The following DGKD variants were observed in gnomAD, a reference collection of about 807,000 sequenced individuals.
DGKD encodes the protein diacylglycerol kinase delta.
DGKD carries 68 observed loss-of-function variants against 154.4 expected under a neutral mutation model. That is an observed-to-expected ratio of 0.44 (90% CI 0.36 to 0.54). The LOEUF (loss-of-function observed/expected upper bound fraction) is 0.54, where lower values mean the gene tolerates loss of function less well. Ranked by LOEUF, DGKD falls within the 20% of genes least tolerant of loss-of-function variation. The pLI is 0.00. For synonymous variants in DGKD, 693 were observed against 638.0 expected, an observed-to-expected ratio of 1.09 and a Z score of -1.30; for missense variants, 1,343 against 1,593.6, an observed-to-expected ratio of 0.84 and a Z score of 2.68.
chr2:233,427,736 C>T (rs2062360746), intron 3 of DGKD, among the ~76,000 whole-genome samples: 1 of 152,172 alleles, frequency 6.6e-6, no homozygotes, highest in African/African-American at 2.4e-5. Flanking sequence ...AAATATGAGC[C>T]ATCTTTTAGT....
At chr2:233,396,918 C>T (rs1229930047) in intron 3 of DGKD, among the ~76,000 whole-genome samples, 1 of 131,552 alleles carries the variant, frequency 7.6e-6, no homozygotes, top group African/African-American at 2.9e-5. Context: ...CAGAGGGGAC[C>T]AGCGTGGCTG....
intron 26 of DGKD, among the ~76,000 whole-genome samples, chr2:233,463,444 C>T (rs544186580): frequency 7.6e-6 from 1 of 132,234 alleles, no homozygotes; most frequent in Non-Finnish European, 1.6e-5. Context: ...TCACTCCACG[C>T]ATCTCCTCAC....
chr2:233,432,340 A>G (rs2062549479), intron 3 of DGKD, among the ~76,000 whole-genome samples: 1 of 122,018 alleles, frequency 8.2e-6, no homozygotes, highest in Non-Finnish European at 1.8e-5. Context: ...CCTGGCTAAC[A>G]TGGTGAAACC....
intron 12 of DGKD, chr2:233,447,445 A>C (rs1421818116): frequency 2.0e-6 from 2 of 981,936 alleles, no homozygotes; most frequent in Non-Finnish European, 2.4e-6. Flanking sequence ...CAAGGCCTGC[A>C]GGCCAGATGT....
Position 233,451,975 on chromosome 2 carries a change from G to A in DGKD, c.2179G>A (p.Gly727Arg), listed in dbSNP as rs780085243. The A allele has an allele frequency of 1.2e-6, 2 of 1,613,932 alleles. No homozygotes were observed. Among genetic ancestry groups the A allele is most frequent in the Non-Finnish European group, 1.7e-6 (2 of 1,179,884 alleles). The change falls in exon 18 of 30, where the codon GGA becomes AGA. Residue 727 changes from glycine (G) to arginine (R), a missense_variant. Gly to Arg is a moderately radical substitution (Grantham distance 125). This residue lies in a region of DGKD where 409 missense variants were observed against 446.0 expected (regional missense o/e 0.92). Coordinates refer to ENST00000264057, the MANE Select transcript of DGKD (RefSeq NM_152879.3). The stretch of plus-strand genomic sequence containing the variant: ...TATCTCCTTTACAGATGTCCGGGCT[G>A]GAATGTCTGGTTCCTTACCCGGTGG... Reference protein sequence around the residue: ...TKILYPNVRAGMSGSLPGGSV... With the variant: ...TKILYPNVRARMSGSLPGGSV...
chr2:233,426,631 G>A (rs1360215317), intron 3 of DGKD, among the ~76,000 whole-genome samples: 1 of 152,156 alleles, frequency 6.6e-6, no homozygotes, highest in Non-Finnish European at 1.5e-5. Context: ...ATTATTGCTT[G>A]TCTCCCAATG....
intron 1 of DGKD, 64 bp from the exon 2 acceptor site, chr2:233,388,193 C>T: frequency 6.3e-7 from 1 of 1,578,074 alleles, no homozygotes; most frequent in African/African-American, 1.4e-5. Context: ...GGCTGCGTTT[C>T]AGCCGGAAGA....
chr2:233,437,442 C>G lies in DGKD; in HGVS notation c.885C>G (p.Val295=), dbSNP rs2125597985. ...CACTTGGCCTGTGCAAAGTGTCAGT[C>G]ATCCCACCCACGGCTCTCAACAGCA... is the stretch of plus-strand genomic sequence containing the variant. The part of the protein sequence containing the change: ...KCPLGLCKVS[V]IPPTALNSID... Residue 295 remains valine (V), a synonymous_variant, in exon 8 of 30, where the codon GTC becomes GTG. Coordinates refer to ENST00000264057, the MANE Select transcript of DGKD (RefSeq NM_152879.3). The G allele has an allele frequency of 6.2e-7, 1 of 1,614,230 alleles. No individual in the cohort carries two copies. The highest frequency in any genetic ancestry group is 8.5e-7 in the Non-Finnish European group (1 of 1,180,030).
rs779016452 is a variant in DGKD, at chr2:233,445,654, G to A, written c.1226G>A (p.Gly409Glu). Residue 409 changes from glycine to glutamate, a missense_variant, in exon 11 of 30, where the codon GGG becomes GAG. Physicochemically the swap from Gly to Glu is moderately conservative, Grantham distance 98. Transcript: ENST00000264057. The surrounding 1 kb of genome is among the most constrained non-coding windows in gnomAD (Gnocchi z 5.5). ...CTGGGAGTGCTGCCGCTCGGCACAG[G>A]GAACGACTTGGCCCGAGTACTGGGC... ...CQLGVLPLGT[G>E]NDLARVLGWG... The A allele has an allele frequency of 6.2e-7, 1 of 1,612,980 alleles. No homozygotes were observed. The highest frequency in any genetic ancestry group is 1.1e-5 in the South Asian group (1 of 90,820).
At chr2:233,384,318 C>T (rs6739757) in intron 1 of DGKD, among the ~76,000 whole-genome samples, 31,856 of 152,034 alleles carry the variant, frequency 0.21, 3,722 homozygotes, top group African/African-American at 0.32. Flanking sequence ...TGCTCTCCTC[C>T]GCTTCTGCCC....
rs1449962085 is a variant in DGKD, at chr2:233,354,540, C to G, written c.22C>G (p.Pro8Ala). The G allele has an allele frequency of 3.0e-6, 3 of 1,001,542 alleles. No individual in the cohort carries two copies. The African/African-American group carries it at 5.3e-5, about 18-fold the overall frequency. The allele number at this position is 1,001,542 out of a possible 1,614,324, so 62.0% of individuals were successfully genotyped here. Residue 8 changes from proline to alanine, a missense_variant, in exon 1 of 30, where the codon CCT (proline) becomes GCT (alanine). This residue lies in a region of DGKD where 57 missense variants were observed against 27.8 expected (regional missense o/e 2.05). Transcript: ENST00000264057. This position sits in a 1 kb window ranked among gnomAD's most constrained non-coding sequence, Gnocchi z 4.8. The stretch of plus-strand genomic sequence containing the variant: ...CAGCATGGCGGCGGCGGCGGGCGCC[C>G]CTCCGCCGGGTCCCCCGCAACCGCC... MAAAAGAPPPGPPQPPPP... is the reference protein window; with the variant it reads MAAAAGAAPPGPPQPPPP...
At chr2:233,416,105 C>G (rs903326949) in intron 3 of DGKD, among the ~76,000 whole-genome samples, 2 of 152,170 alleles carry the variant, frequency 1.3e-5, no homozygotes, top group East Asian at 3.8e-4. Context: ...GTATGTCCCC[C>G]TTTCCCTCAT....
intron 29 of DGKD, among the ~76,000 whole-genome samples, chr2:233,468,827 A>G (rs1420288967): frequency 2.0e-5 from 3 of 152,184 alleles, no homozygotes; most frequent in Non-Finnish European, 2.9e-5. Context: ...TAAAAACACT[A>G]TGAGGGGACA....
At chr2:233,390,128 TTCTC>T (rs1265775385) in intron 2 of DGKD, among the ~76,000 whole-genome samples, 1 of 152,154 alleles carries the variant, frequency 6.6e-6, no homozygotes, top group Non-Finnish European at 1.5e-5. Context: ...TTTGCTTTGG[TTCTC>T]TCTCTTTCTT....
chr2:233,469,435 G>T lies in DGKD; in HGVS notation c.3620G>T (p.Arg1207Leu). The T allele has an allele frequency of 6.2e-7, 1 of 1,602,842 alleles. No individual in the cohort carries two copies. Among genetic ancestry groups the T allele is most frequent in the Non-Finnish European group, 8.5e-7 (1 of 1,175,624 alleles). ...RILCGIKELS[R>L]SAPAVEA ...CTGTGTGGCATCAAGGAGCTGAGCC[G>T]CAGCGCCCCCGCCGTCGAGGCCTAG... The change falls in exon 30 of 30, where the codon CGC becomes CTC. Residue 1207 changes from arginine (R) to leucine (L), a missense_variant. Coordinates refer to ENST00000264057, the MANE Select transcript of DGKD (RefSeq NM_152879.3).
intron 1 of DGKD, among the ~76,000 whole-genome samples, chr2:233,379,301 A>C (rs566327555): frequency 1.3e-5 from 2 of 152,296 alleles, no homozygotes; most frequent in South Asian, 4.1e-4. Context: ...GAGGATTTCC[A>C]GGCGGAGGAA....
intron 1 of DGKD, among the ~76,000 whole-genome samples, chr2:233,355,372 A>G (rs1374386358): frequency 1.3e-5 from 2 of 152,126 alleles, no homozygotes; most frequent in African/African-American, 2.4e-5. Flanking sequence ...TTGTTTTCCC[A>G]TTGTGCTTCC....
intron 1 of DGKD, among the ~76,000 whole-genome samples, chr2:233,355,553 C>A (rs545774589): frequency 1.2e-4 from 18 of 152,292 alleles, no homozygotes; most frequent in Admixed American, 1.1e-3. Context: ...GCTTTTCCTC[C>A]GGGGCGGATT....
intron 9 of DGKD, among the ~76,000 whole-genome samples, chr2:233,439,177 T>A (rs2062809408): frequency 6.6e-6 from 1 of 152,260 alleles, no homozygotes; most frequent in South Asian, 2.1e-4. Flanking sequence ...GAGGACTTGC[T>A]GGCACTGCCG....
Sources: allele counts gnomAD v4.1 joint callset (sites outside exome capture counted in the v4.1 genomes callset), GRCh38; gene constraint gnomAD v4.1.1; regional missense constraint gnomAD v4.1.1; non-coding constraint Gnocchi (gnomAD v3.1); transcripts MANE v1.5; gene names NCBI Gene and HGNC (gene_info 2026-07-23, HGNC 2026-07-21).